The following MTMR7 variants were observed in gnomAD, a reference collection of about 807,000 sequenced individuals.
MTMR7 encodes myotubularin related protein 7.
A neutral mutation model predicts 81.2 loss-of-function variants in MTMR7; 76 were observed. The ratio of observed to expected loss-of-function variants is 0.94; its 90% CI spans 0.78 to 1.13. The LOEUF is 1.13. MTMR7 is among the 50% of genes most tolerant of loss of function. The pLI, the probability that MTMR7 is intolerant of heterozygous loss-of-function variation, is 0.00. For missense variants in MTMR7, 1,044 were observed against 820.0 expected (o/e 1.27, Z -3.34); for synonymous variants, 372 against 289.8 (o/e 1.28, Z -2.88).
intron 1 of MTMR7, among the ~76,000 whole-genome samples, chr8:17,399,280 C>G (rs1373208066): frequency 6.6e-6 from 1 of 152,138 alleles, no homozygotes; most frequent in Non-Finnish European, 1.5e-5. Flanking sequence ...AGAATTCTGT[C>G]AAGTTGCAAG....
intron 6 of MTMR7, among the ~76,000 whole-genome samples, chr8:17,333,948 G>A (rs925970447): frequency 5.3e-5 from 8 of 152,128 alleles, no homozygotes; most frequent in African/African-American, 1.2e-4. Flanking sequence ...ACAAAAGTTA[G>A]AATGTAGAAT....
At chr8:17,311,254 A>G (rs2150485826) in intron 9 of MTMR7, among the ~76,000 whole-genome samples, 1 of 152,334 alleles carries the variant, frequency 6.6e-6, no homozygotes, top group African/African-American at 2.4e-5. Flanking sequence ...AATATATTTT[A>G]TATTTGCCCC....
chr8:17,398,851 T>C (rs1293339854), intron 1 of MTMR7, among the ~76,000 whole-genome samples: 1 of 152,164 alleles, frequency 6.6e-6, no homozygotes, highest in African/African-American at 2.4e-5. Flanking sequence ...GAGTTTTTAT[T>C]AGTTTTCCTT....
chr8:17,310,259 C>T (rs1431560120), intron 9 of MTMR7, among the ~76,000 whole-genome samples: 1 of 152,034 alleles, frequency 6.6e-6, no homozygotes, highest in Non-Finnish European at 1.5e-5. Flanking sequence ...CCTTAACCTC[C>T]CAAAATGCTG....
At chr8:17,315,705 AG>A (rs1818029837) in intron 7 of MTMR7, among the ~76,000 whole-genome samples, 1 of 152,130 alleles carries the variant, frequency 6.6e-6, no homozygotes, top group Non-Finnish European at 1.5e-5. Context: ...ATGTCTCTTA[AG>A]AAAAAAAAAC....
At chr8:17,337,551 G>A (rs952873731) in intron 6 of MTMR7, among the ~76,000 whole-genome samples, 2 of 152,092 alleles carry the variant, frequency 1.3e-5, no homozygotes, top group African/African-American at 4.8e-5. Flanking sequence ...GCCCTGAAGA[G>A]TATAATTTTT....
intron 1 of MTMR7, among the ~76,000 whole-genome samples, chr8:17,379,772 T>G (rs902001068): frequency 3.3e-5 from 5 of 152,196 alleles, no homozygotes; most frequent in African/African-American, 1.2e-4. Context: ...TAAGTGTTTT[T>G]GGGGTTTTTT....
intron 7 of MTMR7, among the ~76,000 whole-genome samples, chr8:17,316,445 A>G (rs1482361569): frequency 1.4e-5 from 2 of 145,854 alleles, no homozygotes; most frequent in East Asian, 4.1e-4. Flanking sequence ...CTCCTTTTCA[A>G]TATTTACAAA....
chr8:17,382,729 A>G (rs1274559810), intron 1 of MTMR7, among the ~76,000 whole-genome samples: 1 of 152,208 alleles, frequency 6.6e-6, no homozygotes, highest in African/African-American at 2.4e-5. Context: ...TGAGACCACT[A>G]CAGTAATGAG....
At chr8:17,304,229 A>T (rs1384690273) in intron 12 of MTMR7, 150 bp downstream of exon 12, 4 of 788,026 alleles carry the variant, frequency 5.1e-6, no homozygotes, top group Non-Finnish European at 7.3e-6. Context: ...CAAAAATACC[A>T]GATCAGATAT....
At chr8:17,362,744 T>C (rs1820096343) in intron 3 of MTMR7, among the ~76,000 whole-genome samples, 1 of 152,200 alleles carries the variant, frequency 6.6e-6, no homozygotes, top group East Asian at 1.9e-4. Flanking sequence ...GTCCTTAGCA[T>C]AGTGATAGTA....
At chr8:17,410,147 A>T (rs13255848) in intron 1 of MTMR7, among the ~76,000 whole-genome samples, 34,059 of 152,010 alleles carry the variant, frequency 0.22, 4,628 homozygotes, top group South Asian at 0.3. Context: ...AGAGCAAAAA[A>T]AAATAAATCA....
In MTMR7 at chr8:17,333,012, T is replaced by C. The variant is rs527415200; in HGVS notation, c.733-1730A>G. On this transcript the variant is annotated intron_variant, in intron 6 of 13. Coordinates refer to ENST00000180173, the MANE Select transcript of MTMR7 (RefSeq NM_004686.5). Reference sequence around the variant, plus strand: ...TATATGAAGTTTGTAATTGAAATAATAGAAATAAAGTATATTAGAAGTGAA... The same window carrying C: ...TATATGAAGTTTGTAATTGAAATAACAGAAATAAAGTATATTAGAAGTGAA... Among the ~76,000 whole-genome samples the C allele has an allele frequency of 4.6e-5, 7 of 151,946 alleles. No individual in the cohort carries two copies. In the East Asian group the frequency reaches 1.2e-3, roughly 25 times the overall value.
intron 5 of MTMR7, among the ~76,000 whole-genome samples, chr8:17,348,077 G>C (rs555870232): frequency 1.3e-5 from 2 of 152,034 alleles, no homozygotes; most frequent in African/African-American, 4.8e-5. Flanking sequence ...GTAATTTTAC[G>C]CAACAGAAAA....
At chr8:17,351,189 C>G (rs1207184820) in intron 4 of MTMR7, among the ~76,000 whole-genome samples, 1 of 152,174 alleles carries the variant, frequency 6.6e-6, no homozygotes, top group Non-Finnish European at 1.5e-5. Flanking sequence ...TTGGGAATTA[C>G]CTACATTCTT....
chr8:17,365,978 C>T lies in MTMR7; in HGVS notation c.311-4704G>A, dbSNP rs1009013406. On this transcript the variant is annotated intron_variant, in intron 3 of 13. Transcript: ENST00000180173. Reference sequence around the variant, plus strand: ...GTTTTGGCTGATCTTATTCTAGCACCGGTGTTCATTGTGCTCCCCTTAACC... The same window carrying T: ...GTTTTGGCTGATCTTATTCTAGCACTGGTGTTCATTGTGCTCCCCTTAACC... 3.9e-5 allele frequency among the ~76,000 whole-genome samples: 6 copies of T among 152,138 alleles called. No homozygotes were observed. The South Asian group carries it at 6.2e-4, about 16-fold the overall frequency.
chr8:17,310,581 C>T (rs1817730650), intron 9 of MTMR7, among the ~76,000 whole-genome samples: 1 of 152,190 alleles, frequency 6.6e-6, no homozygotes, highest in Non-Finnish European at 1.5e-5. Context: ...GCCCTCCTGA[C>T]TTCAGTCCAG....
chr8:17,304,375 A>G lies in MTMR7; in HGVS notation c.1493+4T>C, dbSNP rs771293102. 2 of 1,610,124 alleles carry G rather than the reference A, an allele frequency of 1.2e-6. No homozygotes were observed. Among genetic ancestry groups the G allele is most frequent in the South Asian group, 2.2e-5 (2 of 90,920 alleles). ...GGCTACAAAGTTACCAAGGATTTAC[A>G]TACTTGTACATGAAGTTACATGGTG... On this transcript the variant is annotated splice_donor_region_variant and intron_variant, in intron 12 of 13. Transcript: ENST00000180173.
At chr8:17,331,441 T>C (rs1011153347) in intron 6 of MTMR7, among the ~76,000 whole-genome samples, 159 bp from the exon 7 acceptor site, 4 of 152,202 alleles carry the variant, frequency 2.6e-5, no homozygotes, top group Non-Finnish European at 5.9e-5. Context: ...CTGAACTACA[T>C]AGCTTCAGGG....
Sources: allele counts gnomAD v4.1 joint callset (sites outside exome capture counted in the v4.1 genomes callset), GRCh38; gene constraint gnomAD v4.1.1; transcripts MANE v1.5; gene names NCBI Gene and HGNC (gene_info 2026-07-23, HGNC 2026-07-21).